The following SGSM1 variants were observed in gnomAD, a reference collection of about 807,000 sequenced individuals.
SGSM1 encodes the protein small G protein signaling modulator 1.
In SGSM1, 73 loss-of-function variants were observed where a neutral mutation model predicts 133.8. The observed-to-expected ratio is 0.55, with a 90% CI of 0.45 to 0.66. The LOEUF is 0.66. SGSM1 is among the 30% of genes least tolerant of loss of function. The pLI is 0.00. For missense variants in SGSM1, 1,213 were observed against 1,448.1 expected (o/e 0.84, Z 2.64); for synonymous variants, 563 against 573.0 (o/e 0.98, Z 0.25).
rs184989080 is a variant in SGSM1, at chr22:24,847,030, C to T, written c.140-604C>T. Among the ~76,000 whole-genome samples, 15 of 151,962 alleles carry T rather than the reference C, an allele frequency of 9.9e-5. No individual in the cohort carries two copies. The East Asian group carries it at 2.1e-3, about 22-fold the overall frequency. ...TAATTTCTTATATTTTTAGTAGAGG[C>T]GGGGTTTCACTGTGTTAGCCAGGAT... is the stretch of plus-strand genomic sequence containing the variant. On this transcript the variant is annotated intron_variant, in intron 3 of 24. Coordinates refer to ENST00000400358, the MANE Select transcript of SGSM1 (RefSeq NM_001098497.3).
intron 16 of SGSM1, among the ~76,000 whole-genome samples, chr22:24,892,047 T>C (rs1182552766): frequency 2.0e-5 from 3 of 151,872 alleles, no homozygotes; most frequent in Non-Finnish European, 4.4e-5. Flanking sequence ...GACTGCTAAG[T>C]GGTGCACGGT....
At chr22:24,833,644 G>A (rs547133513) in intron 2 of SGSM1, among the ~76,000 whole-genome samples, 164 of 137,362 alleles carry the variant, frequency 1.2e-3, no homozygotes, top group African/African-American at 4.4e-3. Context: ...GCGACAGAGC[G>A]AGACTCCGTC....
chr22:24,882,969 C>T (rs1225841281), intron 14 of SGSM1, among the ~76,000 whole-genome samples: 2 of 151,540 alleles, frequency 1.3e-5, no homozygotes, highest in African/African-American at 4.9e-5. Context: ...GCGATCTCAG[C>T]TCACTGCAAG....
At chr22:24,815,765 G>A (rs538845262) in intron 2 of SGSM1, among the ~76,000 whole-genome samples, 155 of 152,176 alleles carry the variant, frequency 1.0e-3, no homozygotes, top group Non-Finnish European at 1.6e-3. Flanking sequence ...AATTAGAGAG[G>A]GGTAAGGAAA....
At chr22:24,831,573 GA>G (rs1601900864) in intron 2 of SGSM1, among the ~76,000 whole-genome samples, 1 of 152,154 alleles carries the variant, frequency 6.6e-6, no homozygotes, top group Non-Finnish European at 1.5e-5. Context: ...TTTGGCCGAG[GA>G]GCCTGGAGGC....
rs374670565 is a variant in SGSM1, at chr22:24,879,286, G to A, written c.1431-176G>A. ...TTTCTCAAGGGAAAATCAGGGGGCC[G>A]GTACCAGAAGAGGCAATGATGCTGT... On this transcript the variant is annotated intron_variant, in intron 13 of 24. Coordinates refer to ENST00000400358, the MANE Select transcript of SGSM1 (RefSeq NM_001098497.3). Among the ~76,000 whole-genome samples the A allele has an allele frequency of 2.6e-5, 4 of 152,144 alleles. No individual in the cohort carries two copies. The East Asian group carries it at 7.7e-4, about 29-fold the overall frequency.
chr22:24,927,059 A>T lies in SGSM1; in HGVS notation c.*2785A>T, dbSNP rs1934230254. The T allele has an allele frequency of 6.6e-6, 1 of 152,122 alleles. No individual in the cohort carries two copies. The highest frequency in any genetic ancestry group is 1.5e-5 in the Non-Finnish European group (1 of 68,014). The allele number at this position is 152,122 out of a possible 1,614,324, so 9.4% of individuals were successfully genotyped here. ...AATGCTGCATTACAAATGACCCAAA[A>T]AGTAGTGGTTTAAAACAGCCATGTA... is the stretch of plus-strand genomic sequence containing the variant. On this transcript the variant is annotated 3_prime_UTR_variant, in exon 25 of 25. Transcript: ENST00000400358.
chr22:24,845,946 TTTCTTTCTTTCTTTCTTTC>T (rs759155717), intron 3 of SGSM1, among the ~76,000 whole-genome samples: 48 of 39,390 alleles, frequency 1.2e-3, no homozygotes, highest in Non-Finnish European at 2.0e-3. Context: ...TTTTCTTTTC[TTTCTTTCTTTCTTTCTTTC>T]TTTCTTTCTT....
At chr22:24,871,320 G>T (rs1208620529) in intron 12 of SGSM1, among the ~76,000 whole-genome samples, 1 of 152,144 alleles carries the variant, frequency 6.6e-6, no homozygotes, top group Non-Finnish European at 1.5e-5. Flanking sequence ...GTCCTCCGCA[G>T]GCCTCACTTC....
chr22:24,912,255 T>C (rs1231980572), intron 21 of SGSM1, among the ~76,000 whole-genome samples: 1 of 152,232 alleles, frequency 6.6e-6, no homozygotes, highest in African/African-American at 2.4e-5. Context: ...TAGTTCATAA[T>C]GTGTCCGTAT....
chr22:24,821,465 A>G (rs62232199), intron 2 of SGSM1, among the ~76,000 whole-genome samples: 14,773 of 152,262 alleles, frequency 0.097, 1,075 homozygotes, highest in East Asian at 0.22. Flanking sequence ...AGGGAGCAGG[A>G]AGTGAGGAGG....
chr22:24,927,496 A>T lies in SGSM1; in HGVS notation c.*3222A>T, dbSNP rs1934238690. The T allele has an allele frequency of 6.6e-6, 1 of 152,178 alleles. No individual in the cohort carries two copies. Among genetic ancestry groups the T allele is most frequent in the Non-Finnish European group, 1.5e-5 (1 of 68,106 alleles). The allele number at this position is 152,178 out of a possible 1,614,324, so 9.4% of individuals were successfully genotyped here. On this transcript the variant is annotated 3_prime_UTR_variant, in exon 25 of 25. Coordinates refer to ENST00000400358, the MANE Select transcript of SGSM1 (RefSeq NM_001098497.3). ...GTGACACTGAAAAGGAGCATGGGCC[A>T]GGCACAGTGGCTTACCCCTGTAATC...
chr22:24,903,905 G>T (rs920781811), intron 20 of SGSM1, among the ~76,000 whole-genome samples: 4 of 150,210 alleles, frequency 2.7e-5, no homozygotes, highest in Non-Finnish European at 4.4e-5. Flanking sequence ...CGGGGAAGTG[G>T]AGGTTGCAGT....
intron 2 of SGSM1, among the ~76,000 whole-genome samples, chr22:24,826,998 C>G (rs1368335649): frequency 6.6e-6 from 1 of 152,162 alleles, no homozygotes; most frequent in Non-Finnish European, 1.5e-5. Context: ...GAGTGCCTCC[C>G]TTGATCTGGC....
Position 24,855,030 on chromosome 22 carries a change from C to T in SGSM1, c.490C>T (p.Pro164Ser). 6.2e-7 allele frequency: 1 copy of T among 1,613,484 alleles called. No individual in the cohort carries two copies. The highest frequency in any genetic ancestry group is 1.1e-5 in the South Asian group (1 of 90,874). The part of the protein sequence containing the change: ...YYEKEALLMD[P>S]VDGPILASLL... Reference sequence around the variant, plus strand: ...TGAGAAGGAAGCTCTCCTGATGGACCCTGTGGACGGCCCCATCCTTGCATC... The same window carrying T: ...TGAGAAGGAAGCTCTCCTGATGGACTCTGTGGACGGCCCCATCCTTGCATC... Residue 164 changes from proline to serine, a missense_variant, in exon 6 of 25, where the codon CCT becomes TCT. Pro to Ser is a moderately conservative substitution (Grantham distance 74). Coordinates refer to ENST00000400358, the MANE Select transcript of SGSM1 (RefSeq NM_001098497.3).
chr22:24,916,321 T>C (rs1194332824), intron 22 of SGSM1, among the ~76,000 whole-genome samples: 1 of 152,174 alleles, frequency 6.6e-6, no homozygotes, highest in Non-Finnish European at 1.5e-5. Context: ...ATGTGGCCTT[T>C]TGTGACTGGC....
chr22:24,807,859 CGTCCTCCG>C (rs1331394653), intron 2 of SGSM1, among the ~76,000 whole-genome samples: 3 of 146,380 alleles, frequency 2.0e-5, no homozygotes, highest in African/African-American at 7.7e-5. Context: ...GCTGCTCCTC[CGTCCTCCG>C]GGAGCATGAG....
At position 24,806,258 on chromosome 22, in the gene SGSM1, G is replaced by A. The variant is rs1601874686; in HGVS notation, c.-68G>A. 7.4e-7 allele frequency: 1 copy of A among 1,356,660 alleles called. No individual in the cohort carries two copies. The highest frequency in any genetic ancestry group is 9.4e-7 in the Non-Finnish European group (1 of 1,059,210). The allele number at this position is 1,356,660 out of a possible 1,614,324, so 84.0% of individuals were successfully genotyped here. A position where few individuals can be genotyped will look rare whatever the true frequency, so the allele number is the denominator to read the frequency against. ...GCCGCGGCTGCAGCAGCAGCGCCGC[G>A]GCCGGAGGAGCTACCGCCGCCACCG... is the stretch of plus-strand genomic sequence containing the variant. On this transcript the variant is annotated 5_prime_UTR_variant, in exon 1 of 25. Coordinates refer to ENST00000400358, the MANE Select transcript of SGSM1 (RefSeq NM_001098497.3).
At position 24,924,449 on chromosome 22, in the gene SGSM1, A is replaced by C. The variant is rs1934122571; in HGVS notation, c.*175A>C. 1 of 605,946 alleles carries C rather than the reference A, an allele frequency of 1.7e-6. No individual in the cohort carries two copies. Among genetic ancestry groups the C allele is most frequent in the African/African-American group, 1.8e-5 (1 of 54,274 alleles). The allele number at this position is 605,946 out of a possible 1,614,324, so 37.5% of individuals were successfully genotyped here. ...TTTTACTTCTGGGCAGATGGGGTGG[A>C]GGGAGTACCCCTTCAATTCAGCCTT... On this transcript the variant is annotated 3_prime_UTR_variant, in exon 25 of 25. Coordinates refer to ENST00000400358, the MANE Select transcript of SGSM1 (RefSeq NM_001098497.3).
Sources: gnomAD v4.1 joint callset for allele counts (sites outside exome capture counted in the v4.1 genomes callset) on GRCh38, gnomAD v4.1.1 for gene constraint, MANE v1.5 for transcripts, NCBI Gene and HGNC (gene_info 2026-07-23, HGNC 2026-07-21) for gene names.